SNTG1: variants seen among roughly 807,000 people sequenced by gnomAD.
The protein encoded by SNTG1 is syntrophin gamma 1, also known as gamma-1-syntrophin.
SNTG1 carries 39 observed loss-of-function variants against 74.7 expected under a neutral mutation model. The observed-to-expected ratio is 0.52, with a 90% CI of 0.40 to 0.68. The LOEUF is 0.68. SNTG1 is among the 30% of genes least tolerant of loss of function. The pLI is 0.00. For missense variants in SNTG1, 685 were observed against 609.5 expected (o/e 1.12, Z -1.30); for synonymous variants, 254 against 217.1 (o/e 1.17, Z -1.49).
intron 17 of SNTG1, among the ~76,000 whole-genome samples, chr8:50,710,545 G>A (rs1054197359): frequency 6.6e-5 from 10 of 152,182 alleles, no homozygotes; most frequent in African/African-American, 1.4e-4. Flanking sequence ...TCTAGTACAC[G>A]AATGTATAAG....
intron 2 of SNTG1, among the ~76,000 whole-genome samples, chr8:50,184,049 C>G (rs575369739): frequency 1.4e-5 from 2 of 146,796 alleles, no homozygotes; most frequent in Admixed American, 1.3e-4. Context: ...TTTTTCCACC[C>G]GCTTAAGGAC....
At chr8:50,287,199 A>C (rs11988394) in intron 2 of SNTG1, among the ~76,000 whole-genome samples, 10,571 of 152,064 alleles carry the variant, frequency 0.07, 400 homozygotes, top group African/African-American at 0.085. Flanking sequence ...TCAACATCTA[A>C]CTTTTTACTT....
chr8:50,034,237 C>T (rs1426914293), intron 1 of SNTG1, among the ~76,000 whole-genome samples: 2 of 152,068 alleles, frequency 1.3e-5, no homozygotes, highest in African/African-American at 4.8e-5. Flanking sequence ...AGAATGGTTA[C>T]AAAGCATTAG....
chr8:50,262,292 T>C (rs1275697166), intron 2 of SNTG1, among the ~76,000 whole-genome samples: 1 of 152,158 alleles, frequency 6.6e-6, no homozygotes, highest in Non-Finnish European at 1.5e-5. Context: ...CAGAGGAAAC[T>C]ATAGAAATAA....
chr8:50,724,089 G>A (rs554199353), intron 17 of SNTG1, among the ~76,000 whole-genome samples: 1 of 152,198 alleles, frequency 6.6e-6, no homozygotes, highest in Non-Finnish European at 1.5e-5. Flanking sequence ...ATAAATTCAT[G>A]TTTACTTTAT....
intron 1 of SNTG1, among the ~76,000 whole-genome samples, chr8:50,106,107 T>C (rs1046234331): frequency 2.0e-5 from 3 of 152,158 alleles, no homozygotes; most frequent in Non-Finnish European, 4.4e-5. Context: ...TACCTGGGAC[T>C]GGTTAATCTA....
chr8:50,556,478 TA>T (rs973604689), intron 12 of SNTG1, among the ~76,000 whole-genome samples: 4 of 152,308 alleles, frequency 2.6e-5, no homozygotes, highest in Admixed American at 2.6e-4. Flanking sequence ...TTATAAATTG[TA>T]AAAAACAGTA....
intron 2 of SNTG1, among the ~76,000 whole-genome samples, chr8:50,212,296 A>C (rs567446605): frequency 1.3e-5 from 2 of 152,316 alleles, no homozygotes; most frequent in African/African-American, 4.8e-5. Flanking sequence ...CATTTTAACC[A>C]TAAGTAAAGC....
intron 13 of SNTG1, among the ~76,000 whole-genome samples, chr8:50,606,516 T>C (rs1378134128): frequency 6.6e-6 from 1 of 152,048 alleles, no homozygotes; most frequent in Non-Finnish European, 1.5e-5. Flanking sequence ...AATTATGTTA[T>C]CTACATAAAT....
chr8:50,283,966 T>A (rs2130467175), intron 2 of SNTG1, among the ~76,000 whole-genome samples: 1 of 152,226 alleles, frequency 6.6e-6, no homozygotes, highest in Non-Finnish European at 1.5e-5. Context: ...CTATAAATTG[T>A]TGGTACATTA....
At chr8:50,709,143 G>A (rs532862762) in intron 17 of SNTG1, 165 bp downstream of exon 17, 2 of 595,552 alleles carry the variant, frequency 3.4e-6, no homozygotes, top group Admixed American at 6.1e-5. Context: ...CTGAAAAAAA[G>A]TTTGAATTTT....
intron 2 of SNTG1, among the ~76,000 whole-genome samples, chr8:50,378,025 G>T (rs147131115): frequency 0.023 from 3,532 of 152,298 alleles, 75 homozygotes; most frequent in Non-Finnish European, 0.038. Flanking sequence ...CACTGGGCTC[G>T]TTCCGCCCAC....
At chr8:50,323,787 G>A (rs1263450890) in intron 2 of SNTG1, among the ~76,000 whole-genome samples, 1 of 152,156 alleles carries the variant, frequency 6.6e-6, no homozygotes, top group Non-Finnish European at 1.5e-5. Flanking sequence ...TATCTTCAGG[G>A]TGGCAAGATC....
In SNTG1 at chr8:50,697,309, G is replaced by A. The variant is rs182008185; in HGVS notation, c.1039-7291G>A. On this transcript the variant is annotated intron_variant, in intron 15 of 18. Transcript: ENST00000642720. ...TGAAACTTTATTGAATTTATTCATCGAAAATAAAAGTTTTTTGGTGTAGTC... is the reference window on the plus strand; with the variant it reads ...TGAAACTTTATTGAATTTATTCATCAAAAATAAAAGTTTTTTGGTGTAGTC... 3.0e-3 allele frequency among the ~76,000 whole-genome samples: 457 copies of A among 152,086 alleles called. 3 individuals are homozygous for A. The highest frequency in any genetic ancestry group is 0.011 in the African/African-American group (439 of 41,512).
intron 2 of SNTG1, among the ~76,000 whole-genome samples, chr8:50,279,798 A>T (rs1383557408): frequency 6.6e-6 from 1 of 152,148 alleles, no homozygotes; most frequent in African/African-American, 2.4e-5. Flanking sequence ...AAAGAAGGGT[A>T]TGAGGAAAGG....
Position 50,704,772 on chromosome 8 carries a change from C to A in SNTG1, c.1191+20C>A. On this transcript the variant is annotated intron_variant, in intron 16 of 18. Transcript: ENST00000642720. ...ATACAGGTGAGAGTCTGTGGGACTG[C>A]AGGATGTGTGGCTCCCTCAGATGCA... 4 of 1,613,116 alleles carry A rather than the reference C, an allele frequency of 2.5e-6. No homozygotes were observed. The highest frequency in any genetic ancestry group is 3.4e-6 in the Non-Finnish European group (4 of 1,179,388).
intron 1 of SNTG1, among the ~76,000 whole-genome samples, chr8:49,931,504 G>A (rs145333563): frequency 0.014 from 2,097 of 152,138 alleles, 52 homozygotes; most frequent in African/African-American, 0.046. Flanking sequence ...CCTCAGCATC[G>A]CACAATATAC....
At chr8:50,480,104 T>G (rs2093727809) in intron 8 of SNTG1, among the ~76,000 whole-genome samples, 1 of 152,076 alleles carries the variant, frequency 6.6e-6, no homozygotes, top group South Asian at 2.1e-4. Context: ...ACTTACAATT[T>G]TAAAATAAAA....
intron 1 of SNTG1, among the ~76,000 whole-genome samples, chr8:49,956,989 A>G (rs1810238269): frequency 6.6e-6 from 1 of 152,210 alleles, no homozygotes; most frequent in South Asian, 2.1e-4. Flanking sequence ...GTGTTTTGCC[A>G]GGGGATAGGA....
Sources: allele counts gnomAD v4.1 joint callset (sites outside exome capture counted in the v4.1 genomes callset), GRCh38; gene constraint gnomAD v4.1.1; transcripts MANE v1.5; gene names NCBI Gene and HGNC (gene_info 2026-07-23, HGNC 2026-07-21).